GRIK2: variants seen among roughly 807,000 people sequenced by gnomAD.
The protein encoded by GRIK2 is glutamate receptor ionotropic, kainate 2.
GRIK2 carries 32 observed loss-of-function variants against 100.3 expected under a neutral mutation model. The observed-to-expected ratio is 0.32, with a 90% CI of 0.24 to 0.43. The LOEUF is 0.43. Ranked by LOEUF, GRIK2 falls within the 20% of genes least tolerant of loss-of-function variation. GRIK2 has a pLI of 1.00. For synonymous variants in GRIK2, 417 were observed against 389.4 expected, an observed-to-expected ratio of 1.07 and a Z score of -0.83; for missense variants, 843 against 1,114.9, an observed-to-expected ratio of 0.76 and a Z score of 3.47.
chr6:101,717,573 A>G (rs1445628462), intron 7 of GRIK2, among the ~76,000 whole-genome samples: 1 of 151,852 alleles, frequency 6.6e-6, no homozygotes, highest in Non-Finnish European at 1.5e-5. Context: ...TGGCTTTGCC[A>G]TTATATATAT....
intron 2 of GRIK2, among the ~76,000 whole-genome samples, chr6:101,500,562 T>C (rs1012863829): frequency 4.6e-5 from 7 of 152,090 alleles, no homozygotes; most frequent in African/African-American, 1.7e-4. Context: ...GTTTTCGGTC[T>C]CTAATTATTA....
chr6:102,026,126 AT>A (rs1769688925), intron 14 of GRIK2, among the ~76,000 whole-genome samples: 1 of 67,088 alleles, frequency 1.5e-5, no homozygotes, highest in Non-Finnish European at 3.7e-5. Flanking sequence ...ATATATATAT[AT>A]ATATATATAT....
At chr6:101,739,022 A>T (rs374095807) in intron 7 of GRIK2, among the ~76,000 whole-genome samples, 18 of 152,186 alleles carry the variant, frequency 1.2e-4, no homozygotes, top group Admixed American at 1.2e-3. Context: ...CTTTTAACAG[A>T]TGTCTATCAT....
At position 101,685,583 on chromosome 6, in the gene GRIK2, G is replaced by A. The variant is rs896136555; in HGVS notation, c.778-597G>A. Among the ~76,000 whole-genome samples, 5 of 152,258 alleles carry A rather than the reference G, an allele frequency of 3.3e-5. No homozygotes were observed. In the East Asian group the frequency reaches 7.7e-4, roughly 24 times the overall value. On this transcript the variant is annotated intron_variant, in intron 6 of 16. Transcript: ENST00000369134. Reference sequence around the variant, plus strand: ...ATATACAGACTAGAAAGGGCAACAGGCATAAAGTGTTTATTGGAAACTTAT... The same window carrying A: ...ATATACAGACTAGAAAGGGCAACAGACATAAAGTGTTTATTGGAAACTTAT...
At chr6:101,401,349 A>T (rs1426276974) in intron 2 of GRIK2, among the ~76,000 whole-genome samples, 2 of 152,114 alleles carry the variant, frequency 1.3e-5, no homozygotes, top group Non-Finnish European at 2.9e-5. Flanking sequence ...CAGAGTGCGT[A>T]GCAGCTTTCC....
chr6:101,925,701 T>A (rs2128470696), intron 13 of GRIK2, among the ~76,000 whole-genome samples: 1 of 152,106 alleles, frequency 6.6e-6, no homozygotes, highest in Non-Finnish European at 1.5e-5. Context: ...TCATAAGGTT[T>A]GATTTTAAGT....
chr6:101,696,472 A>C (rs995783028), intron 7 of GRIK2, among the ~76,000 whole-genome samples: 1 of 151,930 alleles, frequency 6.6e-6, no homozygotes, highest in Admixed American at 6.6e-5. Flanking sequence ...ATTAGAAATA[A>C]GAGTATATGC....
intron 14 of GRIK2, among the ~76,000 whole-genome samples, chr6:101,998,377 T>C (rs1428502957): frequency 6.6e-6 from 1 of 152,108 alleles, no homozygotes; most frequent in Non-Finnish European, 1.5e-5. Context: ...TGCTTAAATA[T>C]TTTAGATTTA....
intron 2 of GRIK2, among the ~76,000 whole-genome samples, chr6:101,517,358 A>C (rs1246718618): frequency 6.6e-6 from 1 of 152,092 alleles, no homozygotes; most frequent in Non-Finnish European, 1.5e-5. Context: ...TGTTAAGCGA[A>C]TTATATTGTT....
intron 7 of GRIK2, among the ~76,000 whole-genome samples, chr6:101,757,004 A>C (rs1007174228): frequency 1.3e-5 from 2 of 152,192 alleles, no homozygotes; most frequent in African/African-American, 4.8e-5. Context: ...GAAACTTGTA[A>C]GTAATTACTT....
chr6:101,482,381 C>A (rs1367715025), intron 2 of GRIK2, among the ~76,000 whole-genome samples: 1 of 152,084 alleles, frequency 6.6e-6, no homozygotes, highest in African/African-American at 2.4e-5. Context: ...AGTATGCTGC[C>A]TTGAGTGAAA....
intron 10 of GRIK2, 51 bp downstream of exon 10, chr6:101,818,534 A>G: frequency 1.0e-6 from 1 of 973,698 alleles, no homozygotes; most frequent in Non-Finnish European, 1.7e-6. Flanking sequence ...TGAACACAGA[A>G]GTGCATAGAA....
chr6:101,426,470 T>TC (rs1776704911), intron 2 of GRIK2, among the ~76,000 whole-genome samples: 1 of 151,874 alleles, frequency 6.6e-6, no homozygotes, highest in Admixed American at 6.6e-5. Flanking sequence ...CCTCTCTTTA[T>TC]CCCCCCTCCT....
At chr6:101,584,716 G>A (rs1778268789) in intron 2 of GRIK2, among the ~76,000 whole-genome samples, 1 of 151,910 alleles carries the variant, frequency 6.6e-6, no homozygotes, top group South Asian at 2.1e-4. Context: ...ACTACCCAAA[G>A]TTATAATATA....
rs911225549 is a variant in GRIK2 at position 101,781,241 on chromosome 6, G to T, written c.952-18407G>T. Among the ~76,000 whole-genome samples, 10 of 151,692 alleles carry T rather than the reference G, an allele frequency of 6.6e-5. No individual in the cohort carries two copies. The East Asian group carries it at 1.6e-3, about 24-fold the overall frequency. The stretch of plus-strand genomic sequence containing the variant: ...TAGTGATCAGATTTCACTAATAATT[G>T]GTCACAATCAGTGACATTATGAACC... On this transcript the variant is annotated intron_variant, in intron 7 of 16. Transcript: ENST00000369134.
intron 2 of GRIK2, among the ~76,000 whole-genome samples, chr6:101,407,758 G>A (rs1028741900): frequency 5.3e-5 from 8 of 152,094 alleles, no homozygotes; most frequent in African/African-American, 1.9e-4. Context: ...CTAAGACTTA[G>A]CTTCTGATAT....
intron 14 of GRIK2, among the ~76,000 whole-genome samples, chr6:102,021,265 TC>T (rs1288594547): frequency 2.6e-5 from 4 of 151,688 alleles, no homozygotes; most frequent in African/African-American, 9.7e-5. Context: ...AGTAAATAAA[TC>T]TTTGTTTTTA....
chr6:101,906,423 T>G (rs1788235473), intron 12 of GRIK2, among the ~76,000 whole-genome samples: 1 of 139,580 alleles, frequency 7.2e-6, no homozygotes, highest in African/African-American at 2.6e-5. Context: ...GACTGTAAAC[T>G]CCAGAGACTT....
intron 14 of GRIK2, among the ~76,000 whole-genome samples, chr6:102,003,659 C>T (rs912491579): frequency 2.0e-5 from 3 of 151,656 alleles, no homozygotes; most frequent in Non-Finnish European, 4.4e-5. Flanking sequence ...TTTGTCATTG[C>T]ATATATCTGC....
Sources: allele counts gnomAD v4.1 joint callset (sites outside exome capture counted in the v4.1 genomes callset), GRCh38; gene constraint gnomAD v4.1.1; transcripts MANE v1.5; gene names NCBI Gene and HGNC (gene_info 2026-07-23, HGNC 2026-07-21).